Variants in PRPF3 observed in about 807,000 individuals in gnomAD.
PRPF3 encodes U4/U6 small nuclear ribonucleoprotein Prp3.
Under a neutral mutation model 89.2 loss-of-function variants are expected in PRPF3, and 3 were observed. That is an observed-to-expected ratio of 0.03 (90% CI 0.02 to 0.09). The LOEUF is 0.09. PRPF3 is among the 10% of genes least tolerant of loss of function. The probability of loss-of-function intolerance (pLI) is 1.00; values close to 1 mark genes in which losing one functional copy is unlikely to be tolerated. For synonymous variants in PRPF3, 270 were observed against 289.1 expected (o/e 0.93, Z 0.67); for missense variants, 463 against 828.8 (o/e 0.56, Z 5.42).
At chr1:150,329,815 A>G (rs1216174693) in intron 4 of PRPF3, 1 of 152,174 alleles carries the variant, frequency 6.6e-6, no homozygotes, top group Non-Finnish European at 1.5e-5. Context: ...GCTGGAGCGC[A>G]GTGGTGCGAT....
intron 1 of PRPF3, among the ~76,000 whole-genome samples, chr1:150,323,173 C>CTTTTTTTTTGTTTTTTTTT (rs1655279593): frequency 2.1e-5 from 1 of 48,270 alleles, no homozygotes; most frequent in African/African-American, 9.7e-5. Context: ...CCGCACCTGG[C>CTTTTTTTTTGTTTTTTTTT]TTTTTTTTTT....
intron 12 of PRPF3, chr1:150,345,398 A>G (rs904678415): frequency 1.3e-5 from 2 of 152,278 alleles, no homozygotes; most frequent in African/African-American, 2.4e-5. Flanking sequence ...TTGCCCAGGC[A>G]GGAGTGCAAT....
intron 8 of PRPF3, among the ~76,000 whole-genome samples, chr1:150,339,737 G>GTTTTTT (rs71578484): frequency 1.8e-5 from 2 of 110,284 alleles, no homozygotes; most frequent in Non-Finnish European, 3.6e-5. Context: ...CACGCCTGGC[G>GTTTTTT]TTTTTTTTTT....
At chr1:150,321,632 C>G (rs587635181) in intron 1 of PRPF3, 40 bp downstream of exon 1, 1 of 152,600 alleles carries the variant, frequency 6.6e-6, no homozygotes, top group Non-Finnish European at 1.5e-5. Context: ...TAATTCCAGT[C>G]CGCGCCACTG....
At chr1:150,333,605 AC>A (rs1479257997) in intron 6 of PRPF3, among the ~76,000 whole-genome samples, 1 of 152,078 alleles carries the variant, frequency 6.6e-6, no homozygotes, top group Non-Finnish European at 1.5e-5. Flanking sequence ...TTTCCACAGA[AC>A]CTAGATCATT....
rs1658291447 is a variant in PRPF3, at chr1:150,346,587, G to A, written c.1843+96G>A. The A allele has an allele frequency of 4.1e-6, 5 of 1,230,310 alleles. No individual in the cohort carries two copies. In the Admixed American group the frequency reaches 8.9e-5, roughly 22 times the overall value. The allele number at this position is 1,230,310 out of a possible 1,614,324, so 76.2% of individuals were successfully genotyped here. The stretch of plus-strand genomic sequence containing the variant: ...CTTATTTCCTCCCTGTGACACTCTT[G>A]ATAACACTAGATAGTGTTCAGGAAT... On this transcript the variant is annotated intron_variant, in intron 14 of 15. Coordinates refer to ENST00000324862, the MANE Select transcript of PRPF3 (RefSeq NM_004698.4).
In PRPF3 at chr1:150,340,497, A is replaced by G. The variant is rs782334254; in HGVS notation, c.1282+20A>G. The stretch of plus-strand genomic sequence containing the variant: ...CTCCAGGTAATGTATAGATTCCTGA[A>G]TCAAGTCTCTAGAGCAGCATTACCC... On this transcript the variant is annotated intron_variant, in intron 9 of 15. Coordinates refer to ENST00000324862, the MANE Select transcript of PRPF3 (RefSeq NM_004698.4). 1 of 1,553,574 alleles carries G rather than the reference A, an allele frequency of 6.4e-7. No individual in the cohort carries two copies. Among genetic ancestry groups the G allele is most frequent in the South Asian group, 1.1e-5 (1 of 89,786 alleles).
intron 8 of PRPF3, among the ~76,000 whole-genome samples, chr1:150,339,711 T>A (rs1009523026): frequency 1.3e-5 from 2 of 150,234 alleles, no homozygotes; most frequent in African/African-American, 4.9e-5. Flanking sequence ...GGGCTGGGAT[T>A]ACAGGCATGA....
intron 8 of PRPF3, among the ~76,000 whole-genome samples, chr1:150,339,747 T>G (rs1224752368): frequency 2.0e-5 from 3 of 148,740 alleles, no homozygotes; most frequent in East Asian, 2.0e-4. Flanking sequence ...GTTTTTTTTT[T>G]TTTTTTTTTT....
At chr1:150,331,195 T>A (rs781914383) in intron 4 of PRPF3, among the ~76,000 whole-genome samples, 1 of 150,142 alleles carries the variant, frequency 6.7e-6, no homozygotes, top group Non-Finnish European at 1.5e-5. Flanking sequence ...TGCATCACCA[T>A]GTCCAGCTAA....
intron 3 of PRPF3, chr1:150,328,108 T>C: frequency 1.8e-6 from 1 of 567,314 alleles, no homozygotes; most frequent in South Asian, 2.0e-5. Context: ...TATAAGAACA[T>C]GGGAATGAAA....
intron 14 of PRPF3, chr1:150,348,776 G>C: frequency 3.7e-6 from 1 of 270,484 alleles, no homozygotes; most frequent in South Asian, 4.1e-5. Context: ...ATTTTGATTT[G>C]GTATATCTGC....
intron 4 of PRPF3, among the ~76,000 whole-genome samples, chr1:150,331,090 T>C (rs923563801): frequency 3.3e-5 from 5 of 152,088 alleles, no homozygotes; most frequent in Non-Finnish European, 5.9e-5. Flanking sequence ...TAGGCTGGAG[T>C]GCAATGCCGT....
At chr1:150,345,266 T>C (rs1553872583) in intron 12 of PRPF3, among the ~76,000 whole-genome samples, 2 of 152,110 alleles carry the variant, frequency 1.3e-5, no homozygotes, top group Non-Finnish European at 2.9e-5. Context: ...CCACTCTCTT[T>C]AGGTAATTGC....
chr1:150,332,995 C>G lies in PRPF3; in HGVS notation c.524C>G (p.Ser175Cys). The G allele has an allele frequency of 6.2e-7, 1 of 1,613,642 alleles. No homozygotes were observed. Among genetic ancestry groups the G allele is most frequent in the East Asian group, 2.2e-5 (1 of 44,888 alleles). Residue 175 changes from serine to cysteine, a missense_variant, in exon 6 of 16, where the codon TCC becomes TGC. Physicochemically the swap from Ser to Cys is moderately radical, Grantham distance 112. Transcript: ENST00000324862. ...ATCTCACAGCCAAAGACTCCTTCTTCCTCCCAACCAGAACGACTTCCTATT... is the reference window on the plus strand; with the variant it reads ...ATCTCACAGCCAAAGACTCCTTCTTGCTCCCAACCAGAACGACTTCCTATT... ...PPTPQPKTPS[S>C]SQPERLPIGN...
intron 4 of PRPF3, chr1:150,329,769 T>C (rs1356903670): frequency 6.6e-6 from 1 of 151,964 alleles, no homozygotes; most frequent in Non-Finnish European, 1.5e-5. Context: ...GGATTTTTTT[T>C]GTGTGTGTGT....
intron 3 of PRPF3, among the ~76,000 whole-genome samples, chr1:150,326,258 T>A (rs1405808223): frequency 6.6e-6 from 1 of 152,226 alleles, no homozygotes; most frequent in African/African-American, 2.4e-5. Flanking sequence ...CACTGGTACC[T>A]GAGCTGTACA....
chr1:150,334,871 A>G (rs1442072494), intron 6 of PRPF3, 64 bp from the exon 7 acceptor site: 1 of 1,592,154 alleles, frequency 6.3e-7, no homozygotes, highest in Non-Finnish European at 8.6e-7. Flanking sequence ...GCCTGGCTTT[A>G]TTTTGTTTTT....
At chr1:150,341,313 G>A (rs1553870745) in intron 9 of PRPF3, among the ~76,000 whole-genome samples, 2 of 151,340 alleles carry the variant, frequency 1.3e-5, no homozygotes, top group African/African-American at 4.9e-5. Context: ...GATGCGATAT[G>A]CTCCACTACC....
Sources: allele counts gnomAD v4.1 joint callset (sites outside exome capture counted in the v4.1 genomes callset), GRCh38; gene constraint gnomAD v4.1.1; transcripts MANE v1.5; gene names NCBI Gene and HGNC (gene_info 2026-07-23, HGNC 2026-07-21).